The following SMOC2 variants were observed in gnomAD, a reference collection of about 807,000 sequenced individuals.
The protein encoded by SMOC2 is SPARC-related modular calcium-binding protein 2.
SMOC2 carries 39 observed loss-of-function variants against 61.4 expected under a neutral mutation model. That is an observed-to-expected ratio of 0.64 (90% confidence interval 0.49 to 0.83). SMOC2 has a LOEUF of 0.83. SMOC2 is among the 40% of genes least tolerant of loss of function. The probability of loss-of-function intolerance (pLI) is 0.00; values close to 1 mark genes in which losing one functional copy is unlikely to be tolerated. For missense variants in SMOC2, 556 were observed against 592.9 expected, an observed-to-expected ratio of 0.94 and a Z score of 0.65; for synonymous variants, 247 against 239.9, an observed-to-expected ratio of 1.03 and a Z score of -0.27.
At chr6:168,598,592 A>T (rs544523444) in intron 7 of SMOC2, among the ~76,000 whole-genome samples, 1 of 152,290 alleles carries the variant, frequency 6.6e-6, no homozygotes, top group East Asian at 1.9e-4. Flanking sequence ...CACTGTGGGT[A>T]TGCTGTTGAG....
intron 8 of SMOC2, among the ~76,000 whole-genome samples, 162 bp downstream of exon 8, chr6:168,599,166 C>T (rs540357877): frequency 6.1e-5 from 8 of 131,298 alleles, no homozygotes; most frequent in Admixed American, 2.2e-4. Flanking sequence ...CACACACCCA[C>T]GCTCTCACAC....
chr6:168,454,532 G>A (rs866525024), intron 1 of SMOC2, among the ~76,000 whole-genome samples: 2 of 152,274 alleles, frequency 1.3e-5, no homozygotes, highest in South Asian at 2.1e-4. Context: ...GCCAGACTGC[G>A]GCTCTGACAG....
intron 7 of SMOC2, among the ~76,000 whole-genome samples, chr6:168,555,905 C>T (rs981508852): frequency 6.6e-6 from 1 of 152,186 alleles, no homozygotes; most frequent in African/African-American, 2.4e-5. Context: ...CAGTCCCTTA[C>T]CAGCAGGGTG....
At chr6:168,650,340 C>T (rs3818311) in intron 9 of SMOC2, among the ~76,000 whole-genome samples, 47,829 of 152,054 alleles carry the variant, frequency 0.31, 7,479 homozygotes, top group East Asian at 0.43. Flanking sequence ...TCAGCGTGCA[C>T]TCCGTATGTC....
At chr6:168,646,967 C>T (rs1418845383) in intron 9 of SMOC2, among the ~76,000 whole-genome samples, 1 of 151,968 alleles carries the variant, frequency 6.6e-6, no homozygotes, top group African/African-American at 2.4e-5. Flanking sequence ...TTGAAAAGAA[C>T]AGTCTGGTTT....
intron 8 of SMOC2, among the ~76,000 whole-genome samples, chr6:168,602,425 G>A (rs1387196522): frequency 1.3e-5 from 2 of 152,096 alleles, no homozygotes; most frequent in Non-Finnish European, 2.9e-5. Context: ...ATGTATTTTC[G>A]AGAAAGAGTT....
At chr6:168,575,716 G>T (rs192522954) in intron 7 of SMOC2, among the ~76,000 whole-genome samples, 2 of 152,182 alleles carry the variant, frequency 1.3e-5, no homozygotes, top group East Asian at 3.9e-4. Flanking sequence ...ACGGACTTGC[G>T]CCAGGCTCCC....
chr6:168,657,174 A>G (rs1391214504), intron 11 of SMOC2, among the ~76,000 whole-genome samples: 1 of 152,222 alleles, frequency 6.6e-6, no homozygotes, highest in Non-Finnish European at 1.5e-5. Flanking sequence ...ATGATCCAAT[A>G]TCCAATCCTA....
intron 11 of SMOC2, among the ~76,000 whole-genome samples, chr6:168,663,472 C>A (rs939788267): frequency 6.6e-6 from 1 of 152,212 alleles, no homozygotes; most frequent in African/African-American, 2.4e-5. Context: ...CGTGAATCCC[C>A]CGCCTTCTGG....
intron 7 of SMOC2, among the ~76,000 whole-genome samples, chr6:168,550,617 G>C (rs1017188426): frequency 6.6e-6 from 1 of 152,104 alleles, no homozygotes; most frequent in Non-Finnish European, 1.5e-5. Context: ...CTCCAGCCCC[G>C]GAGTCTTAGC....
intron 8 of SMOC2, among the ~76,000 whole-genome samples, chr6:168,605,614 C>T (rs1785666610): frequency 6.6e-6 from 1 of 152,100 alleles, no homozygotes; most frequent in Non-Finnish European, 1.5e-5. Context: ...TGCAACATAC[C>T]TCTATCCCAA....
chr6:168,661,729 C>CA (rs971053376), intron 11 of SMOC2, among the ~76,000 whole-genome samples: 12 of 152,006 alleles, frequency 7.9e-5, no homozygotes, highest in Middle Eastern at 6.8e-3. Context: ...GCAAGCAATA[C>CA]AAAAAAAACT....
chr6:168,664,059 T>A lies in SMOC2; in HGVS notation c.1286-15T>A. The A allele has an allele frequency of 6.3e-7, 1 of 1,595,708 alleles. No homozygotes were observed. The highest frequency in any genetic ancestry group is 2.0e-4 in the Middle Eastern group (1 of 5,074). On this transcript the variant is annotated splice_polypyrimidine_tract_variant and intron_variant, in intron 11 of 12. Transcript: ENST00000356284. ...GTCTCTGATTTTTAATAATATCTTT[T>A]TTTTTTCCTGCTAGCCCCCAGAGGT... is the stretch of plus-strand genomic sequence containing the variant.
chr6:168,498,824 A>G (rs1251619894), intron 1 of SMOC2, among the ~76,000 whole-genome samples: 3 of 135,874 alleles, frequency 2.2e-5, no homozygotes, highest in Non-Finnish European at 5.1e-5. Flanking sequence ...GCCAGGGCCC[A>G]TAGCCTGTCT....
chr6:168,535,177 A>G lies in SMOC2; in HGVS notation c.463+7450A>G, dbSNP rs986783077. Among the ~76,000 whole-genome samples, 2 of 152,000 alleles carry G rather than the reference A, an allele frequency of 1.3e-5. No homozygotes were observed. Among genetic ancestry groups the G allele is most frequent in the Non-Finnish European group, 2.9e-5 (2 of 68,024 alleles). ...AGTAGAAACGGGGTTTCACCGTGTT[A>G]GCCTGGATGGTCTCAATCTCCTGAC... is the stretch of plus-strand genomic sequence containing the variant. On this transcript the variant is annotated intron_variant, in intron 4 of 12. Transcript: ENST00000356284. The surrounding 1 kb of genome is among the most constrained non-coding windows in gnomAD (Gnocchi z 4.6).
intron 2 of SMOC2, among the ~76,000 whole-genome samples, chr6:168,523,082 T>C (rs9346552): frequency 0.022 from 137 of 6,228 alleles, 10 homozygotes; most frequent in South Asian, 0.16. Flanking sequence ...TACAGTAATT[T>C]TTTTTTTTTT....
intron 4 of SMOC2, among the ~76,000 whole-genome samples, chr6:168,540,242 C>CG (rs2115094926): frequency 6.6e-6 from 1 of 152,322 alleles, no homozygotes; most frequent in South Asian, 2.1e-4. Flanking sequence ...AAGGTGATGG[C>CG]GGCGAGGGCC....
intron 3 of SMOC2, 28 bp downstream of exon 3, chr6:168,526,480 C>T (rs1489272325): frequency 1.9e-6 from 3 of 1,585,698 alleles, no homozygotes; most frequent in African/African-American, 2.7e-5. Flanking sequence ...GGAGGTTCTG[C>T]ACCTGTGCGA....
rs573047183 is a variant in SMOC2, at chr6:168,464,390, C to T, written c.84+22936C>T. On this transcript the variant is annotated intron_variant, in intron 1 of 12. Transcript: ENST00000356284. ...ATGACGCTCCATAACAATTAGCTGA[C>T]AGTGACGCTGTGCCATCACTATCTG... is the stretch of plus-strand genomic sequence containing the variant. Among the ~76,000 whole-genome samples the T allele has an allele frequency of 1.5e-4, 23 of 152,206 alleles. No individual in the cohort carries two copies. The South Asian group carries it at 4.6e-3, about 30-fold the overall frequency.
Sources: gnomAD v4.1 joint callset for allele counts (sites outside exome capture counted in the v4.1 genomes callset) on GRCh38, gnomAD v4.1.1 for gene constraint, Gnocchi (gnomAD v3.1) non-coding constraint, MANE v1.5 for transcripts, NCBI Gene and HGNC (gene_info 2026-07-23, HGNC 2026-07-21) for gene names.